KALRN: variants seen among roughly 807,000 people sequenced by gnomAD.
KALRN encodes the protein kalirin RhoGEF kinase, also known as kalirin.
Under a neutral mutation model 353.7 loss-of-function variants are expected in KALRN, and 70 were observed. The observed-to-expected ratio is 0.20, with a 90% confidence interval of 0.16 to 0.24. KALRN has a LOEUF of 0.24. Among genes scored for constraint, KALRN ranks in the 10% least tolerant of loss-of-function variants. KALRN has a pLI of 1.00. For missense variants in KALRN, 2,791 were observed against 3,756.7 expected (o/e 0.74, Z 6.72); for synonymous variants, 1,391 against 1,434.8 (o/e 0.97, Z 0.69).
chr3:124,077,063 A>G (rs1322567147), intron 1 of KALRN, among the ~76,000 whole-genome samples: 1 of 152,228 alleles, frequency 6.6e-6, no homozygotes, highest in Non-Finnish European at 1.5e-5. Context: ...CTTCTGGTCC[A>G]AGGTTACAGG....
intron 25 of KALRN, among the ~76,000 whole-genome samples, chr3:124,473,557 C>G (rs534168688): frequency 6.6e-6 from 1 of 152,262 alleles, no homozygotes; most frequent in Admixed American, 6.5e-5. Context: ...TTCCACTTAG[C>G]TTCTCCCAGA....
intron 3 of KALRN, among the ~76,000 whole-genome samples, chr3:124,251,884 A>G (rs764597550): frequency 8.5e-5 from 13 of 152,162 alleles, no homozygotes; most frequent in Middle Eastern, 3.4e-3. Flanking sequence ...AAGAGAAACC[A>G]CCACATCCCT....
At position 124,615,218 on chromosome 3, in the gene KALRN, A is replaced by T. The variant is rs115331468; in HGVS notation, c.5183-17202A>T. Among the ~76,000 whole-genome samples the T allele has an allele frequency of 7.8e-3, 1,188 of 152,344 alleles. 15 individuals carry two copies. Among genetic ancestry groups the T allele is most frequent in the African/African-American group, 0.025 (1,055 of 41,572 alleles). ...TGATTTGATGCATCATTTTTGGGAT[A>T]TTCCTACCAAAAACACACACCTTAA... is the stretch of plus-strand genomic sequence containing the variant. On this transcript the variant is annotated intron_variant, in intron 34 of 59. Transcript: ENST00000682506.
chr3:124,114,807 T>G (rs189896926), intron 1 of KALRN, among the ~76,000 whole-genome samples: 138 of 152,328 alleles, frequency 9.1e-4, no homozygotes, highest in Non-Finnish European at 1.7e-3. Context: ...CAGTGGAATT[T>G]GGATTGCCTC....
At chr3:124,094,593 G>T in intron 1 of KALRN, 1 of 552,916 alleles carries the variant, frequency 1.8e-6, no homozygotes, top group East Asian at 3.0e-5. Context: ...CCTCCCCTTG[G>T]GTCCAGGCAG....
chr3:124,346,825 G>A (rs539045584), intron 9 of KALRN, among the ~76,000 whole-genome samples: 27 of 152,326 alleles, frequency 1.8e-4, no homozygotes, highest in Non-Finnish European at 1.2e-4. Context: ...GGTAGAAGTG[G>A]TGAGGGGGTT....
At chr3:124,218,222 C>T (rs527958119) in intron 1 of KALRN, among the ~76,000 whole-genome samples, 5 of 152,260 alleles carry the variant, frequency 3.3e-5, no homozygotes, top group African/African-American at 1.2e-4. Flanking sequence ...CCCAAACTGA[C>T]TTTTCAAGTC....
intron 36 of KALRN, chr3:124,636,951 C>T: frequency 2.3e-6 from 1 of 435,680 alleles, no homozygotes; most frequent in Admixed American, 3.4e-5. Flanking sequence ...GTGATTTCTC[C>T]TCTCCCCTCC....
intron 6 of KALRN, among the ~76,000 whole-genome samples, chr3:124,307,198 A>T (rs1004385679): frequency 8.5e-5 from 13 of 152,160 alleles, no homozygotes; most frequent in African/African-American, 2.4e-4. Context: ...GGCCTATAAC[A>T]TAAAAATGTA....
chr3:124,482,659 C>G (rs1401693996), intron 27 of KALRN, 149 bp from the exon 28 acceptor site: 5 of 586,002 alleles, frequency 8.5e-6, no homozygotes, highest in Admixed American at 5.8e-5. Context: ...TCTTTTTACT[C>G]CCCTCTCCCT....
intron 1 of KALRN, among the ~76,000 whole-genome samples, chr3:124,188,190 T>A (rs976211670): frequency 3.3e-5 from 5 of 152,218 alleles, no homozygotes; most frequent in African/African-American, 4.8e-5. Context: ...GGGCACTTTT[T>A]AAAAAATGCA....
chr3:124,041,377 G>A (rs1457153704), intron 1 of KALRN, among the ~76,000 whole-genome samples: 2 of 152,106 alleles, frequency 1.3e-5, no homozygotes, highest in African/African-American at 2.4e-5. Flanking sequence ...AATACTATCC[G>A]AATATATGTA....
Position 124,660,814 on chromosome 3 carries a change from G to T in KALRN, c.6217-109G>T, listed in dbSNP as rs568128170. The T allele has an allele frequency of 2.6e-5, 20 of 772,340 alleles. No individual in the cohort carries two copies. In the South Asian group the frequency reaches 2.7e-4, roughly 10 times the overall value. 47.8% of individuals were successfully genotyped at this position (772,340 alleles called of 1,614,324 possible). A position where few individuals can be genotyped will look rare whatever the true frequency, so the allele number is the denominator to read the frequency against. ...CTCTACACCATTGCCACTTCTGCTG[G>T]GAAGGAAAGTCTCCAGGGTGTTATT... On this transcript the variant is annotated intron_variant, in intron 43 of 59. Coordinates refer to ENST00000682506, the MANE Select transcript of KALRN (RefSeq NM_001388419.1).
At position 124,723,525 on chromosome 3, in the gene KALRN, AT is replaced by A. The variant is rs995385422; in HGVS notation, c.*4059del. On this transcript the variant is annotated 3_prime_UTR_variant, in exon 60 of 60. Transcript: ENST00000682506. ...GTGCTACACACTGCCAGTGCTAAGAATTTTATTGATAGTAACTTTGAACATT... is the reference window on the plus strand; with the variant it reads ...GTGCTACACACTGCCAGTGCTAAGAATTTATTGATAGTAACTTTGAACATT... 3 of 152,200 alleles carry A rather than the reference AT, an allele frequency of 2.0e-5. No homozygotes were observed. The highest frequency in any genetic ancestry group is 2.9e-5 in the Non-Finnish European group (2 of 68,026). The allele number at this position is 152,200 out of a possible 1,614,324, so 9.4% of individuals were successfully genotyped here.
chr3:124,532,781 AC>A (rs2068151217), intron 33 of KALRN, among the ~76,000 whole-genome samples: 1 of 152,178 alleles, frequency 6.6e-6, no homozygotes, highest in Non-Finnish European at 1.5e-5. Context: ...AGCTTGGGCG[AC>A]AGAGGAAGAC....
intron 1 of KALRN, among the ~76,000 whole-genome samples, chr3:124,107,862 G>T (rs1378079188): frequency 6.6e-6 from 1 of 152,184 alleles, no homozygotes; most frequent in Non-Finnish European, 1.5e-5. Flanking sequence ...GGAAGGTCTT[G>T]AGGACTTAAG....
chr3:124,336,393 A>T (rs937296199), intron 9 of KALRN, among the ~76,000 whole-genome samples: 1 of 152,176 alleles, frequency 6.6e-6, no homozygotes, highest in African/African-American at 2.4e-5. Context: ...GTGAGGTACC[A>T]GCCTCTGAAG....
intron 33 of KALRN, among the ~76,000 whole-genome samples, chr3:124,513,379 A>AGAGG (rs1227609945): frequency 6.6e-6 from 1 of 152,124 alleles, no homozygotes; most frequent in Non-Finnish European, 1.5e-5. Context: ...CTGTGATTCC[A>AGAGG]GAGGGAGGGG....
chr3:124,197,316 G>T (rs188535643), intron 1 of KALRN, among the ~76,000 whole-genome samples: 1 of 152,184 alleles, frequency 6.6e-6, no homozygotes, highest in South Asian at 2.1e-4. Context: ...CTTACTTTCT[G>T]CAGGTGCATT....
Sources: gnomAD v4.1 joint callset for allele counts (sites outside exome capture counted in the v4.1 genomes callset) on GRCh38, gnomAD v4.1.1 for gene constraint, MANE v1.5 for transcripts, NCBI Gene and HGNC (gene_info 2026-07-23, HGNC 2026-07-21) for gene names.